The following NIPBL variants were observed in gnomAD, a reference collection of about 807,000 sequenced individuals.
The protein encoded by NIPBL is nipped-B-like protein.
In NIPBL, 19 loss-of-function variants were observed where a neutral mutation model predicts 321.8. The ratio of observed to expected loss-of-function variants is 0.06; its 90% CI spans 0.04 to 0.09. The LOEUF is 0.09. Among genes scored for constraint, NIPBL ranks in the 10% least tolerant of loss-of-function variants. The pLI is 1.00. For missense variants in NIPBL, 2,210 were observed against 3,327.0 expected, an observed-to-expected ratio of 0.66 and a Z score of 8.26; for synonymous variants, 1,106 against 1,114.1, an observed-to-expected ratio of 0.99 and a Z score of 0.14.
At chr5:37,056,663 A>G (rs1754122055) in intron 42 of NIPBL, among the ~76,000 whole-genome samples, 1 of 152,146 alleles carries the variant, frequency 6.6e-6, no homozygotes, top group African/African-American at 2.4e-5. Flanking sequence ...TATTAGTACT[A>G]TAATTACTAG....
chr5:36,952,086 A>C (rs1740445292), intron 1 of NIPBL, among the ~76,000 whole-genome samples: 1 of 131,912 alleles, frequency 7.6e-6, no homozygotes, highest in Non-Finnish European at 1.6e-5. Context: ...GTGTGTGTGT[A>C]GCAGTTTAAT....
At chr5:36,914,114 GTCT>G (rs1748265735) in intron 1 of NIPBL, among the ~76,000 whole-genome samples, 2 of 152,182 alleles carry the variant, frequency 1.3e-5, no homozygotes, top group African/African-American at 2.4e-5. Context: ...GAGCTAGAAG[GTCT>G]TCTGTTGGCC....
At chr5:36,899,979 A>G (rs892145189) in intron 1 of NIPBL, among the ~76,000 whole-genome samples, 1 of 152,234 alleles carries the variant, frequency 6.6e-6, no homozygotes, top group South Asian at 2.1e-4. Context: ...TTTAGAAAAT[A>G]GAAAAAGTCT....
At chr5:36,885,354 G>A in intron 1 of NIPBL, 1 of 470,060 alleles carries the variant, frequency 2.1e-6, no homozygotes, top group South Asian at 1.7e-5. Context: ...TCCGTGTCCT[G>A]TTCCACCAGC....
chr5:36,914,113 G>A (rs891104800), intron 1 of NIPBL, among the ~76,000 whole-genome samples: 1 of 152,162 alleles, frequency 6.6e-6, no homozygotes, highest in Non-Finnish European at 1.5e-5. Context: ...AGAGCTAGAA[G>A]GTCTTCTGTT....
chr5:37,059,940 A>G (rs549003035), intron 44 of NIPBL, among the ~76,000 whole-genome samples: 1 of 152,324 alleles, frequency 6.6e-6, no homozygotes, highest in South Asian at 2.1e-4. Flanking sequence ...TCTGCCTGTA[A>G]CCATGGAATT....
rs779595045 is a variant in NIPBL at position 37,023,750 on chromosome 5, C to CTT, written c.5575-811_5575-810dup. Among the ~76,000 whole-genome samples, 87 of 75,868 alleles carry CTT rather than the reference C, an allele frequency of 1.1e-3. 3 individuals carry two copies. Among genetic ancestry groups the CTT allele is most frequent in the African/African-American group, 2.4e-3 (47 of 19,718 alleles). 49.8% of individuals were successfully genotyped at this position (75,868 alleles called of 152,430 possible). ...TAAAATTGAAGACTATTTTCTTATT[C>CTT]TTTTTTTTTTTTTTTTTTTTTTTTT... On this transcript the variant is annotated intron_variant, in intron 29 of 46. Transcript: ENST00000282516.
At chr5:36,993,926 T>C (rs1317423098) in intron 10 of NIPBL, among the ~76,000 whole-genome samples, 1 of 152,146 alleles carries the variant, frequency 6.6e-6, no homozygotes, top group Non-Finnish European at 1.5e-5. Flanking sequence ...CATATATATG[T>C]ACTCAATATT....
At chr5:36,950,556 C>G (rs1461068708) in intron 1 of NIPBL, among the ~76,000 whole-genome samples, 1 of 151,968 alleles carries the variant, frequency 6.6e-6, no homozygotes, top group Non-Finnish European at 1.5e-5. Context: ...TAGTTCTATT[C>G]CCTCCATCCC....
chr5:36,894,087 ACTT>A lies in NIPBL; in HGVS notation c.-80+16916_-80+16918del, dbSNP rs1346626035. On this transcript the variant is annotated intron_variant, in intron 1 of 46. Coordinates refer to ENST00000282516, the MANE Select transcript of NIPBL (RefSeq NM_133433.4). Reference sequence around the variant, plus strand: ...TGTTCACACTAAGTCCTCAGCAAATACTTCTTCTTTATTAGTTCATAGTTGCCT... The same window carrying A: ...TGTTCACACTAAGTCCTCAGCAAATACTTCTTTATTAGTTCATAGTTGCCT... Among the ~76,000 whole-genome samples the A allele has an allele frequency of 5.3e-5, 8 of 152,204 alleles. No homozygotes were observed. The East Asian group carries it at 5.8e-4, about 11-fold the overall frequency.
intron 32 of NIPBL, among the ~76,000 whole-genome samples, chr5:37,034,046 A>G (rs1420578097): frequency 6.6e-6 from 1 of 152,080 alleles, no homozygotes; most frequent in Non-Finnish European, 1.5e-5. Context: ...TCTCCTACAA[A>G]ACCAGTGTAA....
At chr5:36,954,439 G>GT (rs1333316040) in intron 2 of NIPBL, among the ~76,000 whole-genome samples, 2 of 152,148 alleles carry the variant, frequency 1.3e-5, no homozygotes, top group East Asian at 1.9e-4. Flanking sequence ...GGAAATAAGC[G>GT]TAACTAGTTT....
At chr5:37,011,435 A>G (rs1748108810) in intron 21 of NIPBL, among the ~76,000 whole-genome samples, 2 of 152,162 alleles carry the variant, frequency 1.3e-5, no homozygotes, top group South Asian at 4.1e-4. Flanking sequence ...TGCACCTGTC[A>G]TCCCAGCTAC....
intron 1 of NIPBL, among the ~76,000 whole-genome samples, chr5:36,916,950 G>C (rs541602680): frequency 6.6e-6 from 1 of 151,964 alleles, no homozygotes; most frequent in African/African-American, 2.4e-5. Flanking sequence ...GAATAGTGCC[G>C]CAATAAACAT....
Position 36,985,193 on chromosome 5 carries a change from T to G in NIPBL, c.2013T>G (p.Pro671=). Residue 671 remains proline (P), a synonymous_variant, in exon 10 of 47, where the codon CCT becomes CCG. Transcript: ENST00000282516. Reference sequence around the variant, plus strand: ...AAAACGAGAGCACCATAGTTGAGCCTAAACAAAATGAAAATAGACTGTCTG... The same window carrying G: ...AAAACGAGAGCACCATAGTTGAGCCGAAACAAAATGAAAATAGACTGTCTG... ...CKQNESTIVE[P]KQNENRLSDT... 3 of 1,613,746 alleles carry G rather than the reference T, an allele frequency of 1.9e-6. No individual in the cohort carries two copies. In the African/African-American group the frequency reaches 4.0e-5, roughly 22 times the overall value.
At chr5:36,976,887 T>G (rs565141868) in intron 9 of NIPBL, among the ~76,000 whole-genome samples, 16 of 152,168 alleles carry the variant, frequency 1.1e-4, no homozygotes, top group African/African-American at 3.9e-4. Flanking sequence ...TAATGTCAAA[T>G]TTTTTTAGTA....
intron 1 of NIPBL, among the ~76,000 whole-genome samples, chr5:36,949,240 C>T (rs1740013812): frequency 6.6e-6 from 1 of 151,746 alleles, no homozygotes; most frequent in Non-Finnish European, 1.5e-5. Context: ...AACACACAGC[C>T]TAATTAATAT....
chr5:36,958,524 C>A (rs1741242285), intron 4 of NIPBL, among the ~76,000 whole-genome samples: 1 of 152,022 alleles, frequency 6.6e-6, no homozygotes, highest in South Asian at 2.1e-4. Context: ...TGAAATAAGT[C>A]TTTCATTAAT....
chr5:36,929,942 A>G (rs1451905942), intron 1 of NIPBL, among the ~76,000 whole-genome samples: 4 of 152,068 alleles, frequency 2.6e-5, no homozygotes, highest in African/African-American at 9.6e-5. Flanking sequence ...CAATCCGTAT[A>G]CCTGTCCTTA....
Sources: allele counts gnomAD v4.1 joint callset (sites outside exome capture counted in the v4.1 genomes callset), GRCh38; gene constraint gnomAD v4.1.1; transcripts MANE v1.5; gene names NCBI Gene and HGNC (gene_info 2026-07-23, HGNC 2026-07-21).